CCSER1: variants seen among roughly 807,000 people sequenced by gnomAD.
The protein encoded by CCSER1 is serine-rich coiled-coil domain-containing protein 1.
CCSER1 carries 41 observed loss-of-function variants against 82.0 expected under a neutral mutation model. That is an observed-to-expected ratio of 0.50 (90% CI 0.39 to 0.65). The LOEUF is 0.65. CCSER1 is among the 30% of genes least tolerant of loss of function. The pLI is 0.00. For synonymous variants in CCSER1, 414 were observed against 383.9 expected, an observed-to-expected ratio of 1.08 and a Z score of -0.92; for missense variants, 1,119 against 1,064.2, an observed-to-expected ratio of 1.05 and a Z score of -0.72.
chr4:90,483,001 GA>G, intron 5 of CCSER1, among the ~76,000 whole-genome samples: 1 of 152,170 alleles, frequency 6.6e-6, no homozygotes, highest in East Asian at 1.9e-4. Context: ...TATTGTGTGG[GA>G]GTCTAAGTCA....
At chr4:91,489,096 G>A (rs939994229) in intron 10 of CCSER1, among the ~76,000 whole-genome samples, 2 of 152,168 alleles carry the variant, frequency 1.3e-5, no homozygotes, top group African/African-American at 4.8e-5. Context: ...GATACATGGG[G>A]AAATGATGTT....
At chr4:90,490,801 T>C (rs934648857) in intron 5 of CCSER1, among the ~76,000 whole-genome samples, 5 of 152,180 alleles carry the variant, frequency 3.3e-5, no homozygotes, top group African/African-American at 9.6e-5. Flanking sequence ...TTTCTTGTTT[T>C]TGTCAGGTTT....
chr4:90,544,312 G>A (rs1776479886), intron 5 of CCSER1, among the ~76,000 whole-genome samples: 1 of 152,096 alleles, frequency 6.6e-6, no homozygotes, highest in African/African-American at 2.4e-5. Context: ...ATAATTCACT[G>A]CCTGGATGAA....
intron 3 of CCSER1, among the ~76,000 whole-genome samples, chr4:90,343,116 A>C (rs1741716446): frequency 6.6e-6 from 1 of 152,122 alleles, no homozygotes; most frequent in Non-Finnish European, 1.5e-5. Flanking sequence ...CAGGCATGTC[A>C]TCTTTAATAT....
At chr4:90,212,049 G>T (rs1326761141) in intron 1 of CCSER1, among the ~76,000 whole-genome samples, 1 of 152,144 alleles carries the variant, frequency 6.6e-6, no homozygotes. Context: ...TCATTAGGTA[G>T]AAAAATTTCA....
rs563320441 is a variant in CCSER1, at chr4:90,423,667, G to A, written c.1603+23538G>A. Among the ~76,000 whole-genome samples the A allele has an allele frequency of 2.0e-5, 3 of 152,100 alleles. No individual in the cohort carries two copies. In the South Asian group the frequency reaches 6.2e-4, roughly 32 times the overall value. On this transcript the variant is annotated intron_variant, in intron 4 of 10. Coordinates refer to ENST00000509176, the MANE Select transcript of CCSER1 (RefSeq NM_001145065.2). ...CTTGTTTGTATTTTTAGTAGAGACG[G>A]GATTTTACCATGTTGCCCAGGCTGG...
intron 4 of CCSER1, among the ~76,000 whole-genome samples, chr4:90,430,398 G>A (rs1758108699): frequency 6.6e-6 from 1 of 151,874 alleles, no homozygotes; most frequent in Non-Finnish European, 1.5e-5. Flanking sequence ...TGTAAATGTG[G>A]AGTCAGTATG....
intron 3 of CCSER1, among the ~76,000 whole-genome samples, chr4:90,389,001 A>G (rs1224782678): frequency 6.6e-6 from 1 of 152,214 alleles, no homozygotes; most frequent in Non-Finnish European, 1.5e-5. Context: ...ATTCAAAGAT[A>G]AACTTAGAAT....
chr4:90,543,920 C>T (rs967514120), intron 5 of CCSER1, among the ~76,000 whole-genome samples: 3 of 152,136 alleles, frequency 2.0e-5, no homozygotes, highest in Non-Finnish European at 4.4e-5. Context: ...TCTGAGATTT[C>T]ACCCTGCATC....
chr4:91,301,621 T>C (rs536157667), intron 10 of CCSER1, among the ~76,000 whole-genome samples: 2 of 151,736 alleles, frequency 1.3e-5, no homozygotes, highest in Non-Finnish European at 2.9e-5. Flanking sequence ...GTTTAACAAC[T>C]GATATGTTTT....
At chr4:91,142,935 T>C (rs191151931) in intron 10 of CCSER1, among the ~76,000 whole-genome samples, 18 of 146,828 alleles carry the variant, frequency 1.2e-4, no homozygotes, top group African/African-American at 4.0e-4. Context: ...TTTGTTCTTT[T>C]TGCTTAGGGT....
At chr4:90,140,886 C>T (rs1578158826) in intron 1 of CCSER1, among the ~76,000 whole-genome samples, 1 of 151,572 alleles carries the variant, frequency 6.6e-6, no homozygotes, top group African/African-American at 2.4e-5. Flanking sequence ...AGGATGGTCT[C>T]GATCTCCTGA....
chr4:90,642,124 A>G (rs1726650498), intron 6 of CCSER1: 1 of 164,618 alleles, frequency 6.1e-6, no homozygotes, highest in Admixed American at 6.2e-5. Context: ...GGGTTTTGGA[A>G]AAAGACAGTG....
chr4:90,670,683 A>T (rs1392643755), intron 6 of CCSER1, among the ~76,000 whole-genome samples: 2 of 152,100 alleles, frequency 1.3e-5, no homozygotes, highest in African/African-American at 2.4e-5. Flanking sequence ...AGTAGATATT[A>T]TTGGTTAATC....
intron 1 of CCSER1, among the ~76,000 whole-genome samples, chr4:90,164,415 T>A (rs1268610129): frequency 6.6e-6 from 1 of 152,096 alleles, no homozygotes; most frequent in Non-Finnish European, 1.5e-5. Flanking sequence ...GAATAGTAAT[T>A]TTTTCTTTAA....
chr4:91,031,426 AT>A (rs1174653866), intron 9 of CCSER1, among the ~76,000 whole-genome samples: 1 of 152,116 alleles, frequency 6.6e-6, no homozygotes, highest in Non-Finnish European at 1.5e-5. Flanking sequence ...TAATGAATGG[AT>A]TTTATTTTCA....
intron 7 of CCSER1, among the ~76,000 whole-genome samples, chr4:90,801,715 C>G (rs2149702350): frequency 6.6e-6 from 1 of 152,136 alleles, no homozygotes; most frequent in East Asian, 1.9e-4. Context: ...ATGCCATTTA[C>G]TTTGATCATG....
At chr4:91,371,191 AATT>A (rs1357129630) in intron 10 of CCSER1, among the ~76,000 whole-genome samples, 1 of 152,074 alleles carries the variant, frequency 6.6e-6, no homozygotes, top group Admixed American at 6.6e-5. Flanking sequence ...ATGTGCAATA[AATT>A]ATTATTGACT....
chr4:91,596,971 T>C (rs745673582), intron 10 of CCSER1, among the ~76,000 whole-genome samples: 98 of 152,014 alleles, frequency 6.4e-4, no homozygotes, highest in Admixed American at 1.8e-3. Flanking sequence ...TAAGGACGCC[T>C]AGTGGGTCTT....
Sources: gnomAD v4.1 joint callset for allele counts (sites outside exome capture counted in the v4.1 genomes callset) on GRCh38, gnomAD v4.1.1 for gene constraint, MANE v1.5 for transcripts, NCBI Gene and HGNC (gene_info 2026-07-23, HGNC 2026-07-21) for gene names.